ARHGAP39: variants seen among roughly 807,000 people sequenced by gnomAD.
ARHGAP39 encodes Rho GTPase activating protein 39.
ARHGAP39 carries 44 observed loss-of-function variants against 106.9 expected under a neutral mutation model. The observed-to-expected ratio is 0.41, with a 90% CI of 0.32 to 0.53. The LOEUF is 0.53. Among genes scored for constraint, ARHGAP39 ranks in the 20% least tolerant of loss-of-function variants. The probability of loss-of-function intolerance (pLI) is 0.21; values close to 1 mark genes in which losing one functional copy is unlikely to be tolerated. For missense variants in ARHGAP39, 1,496 were observed against 1,577.3 expected, an observed-to-expected ratio of 0.95 and a Z score of 0.87; for synonymous variants, 768 against 693.2, an observed-to-expected ratio of 1.11 and a Z score of -1.69.
chr8:144,623,349 T>C (rs1422296599), intron 1 of ARHGAP39, among the ~76,000 whole-genome samples: 2 of 152,128 alleles, frequency 1.3e-5, no homozygotes, highest in East Asian at 3.9e-4. Flanking sequence ...ATTACAGTAA[T>C]GTAAATGGAC....
chr8:144,600,396 G>A (rs1465825339), intron 2 of ARHGAP39, among the ~76,000 whole-genome samples: 2 of 148,578 alleles, frequency 1.3e-5, no homozygotes, highest in East Asian at 2.1e-4. Context: ...GTGTGTGGAG[G>A]CGTGTGTGTG....
At chr8:144,580,789 T>G (rs1012842887) in intron 3 of ARHGAP39, 57 bp downstream of exon 3, 39 of 106,854 alleles carry the variant, frequency 3.6e-4, no homozygotes, top group Non-Finnish European at 5.3e-4. Flanking sequence ...CTGCCTCACC[T>G]GGCCCCGCCC....
intron 1 of ARHGAP39, among the ~76,000 whole-genome samples, chr8:144,682,232 A>C (rs1822441765): frequency 8.5e-6 from 1 of 117,236 alleles, no homozygotes. Flanking sequence ...GTGACAGAGC[A>C]AGACTCTATC....
At chr8:144,538,334 G>A (rs541868587) in intron 6 of ARHGAP39, among the ~76,000 whole-genome samples, 6 of 152,316 alleles carry the variant, frequency 3.9e-5, no homozygotes, top group South Asian at 2.1e-4. Flanking sequence ...CACTGGCCTC[G>A]ATGACCTAGC....
rs151117878 is a variant in ARHGAP39, at chr8:144,570,314, T to G, written c.512+10532A>C. Among the ~76,000 whole-genome samples the G allele has an allele frequency of 2.0e-5, 3 of 152,330 alleles. No individual in the cohort carries two copies. In the East Asian group the frequency reaches 5.8e-4, roughly 29 times the overall value. ...CTAAATCCTCTTGTTGCATCAGCAA[T>G]CTCGTCAATGACTGGAACAATCCTG... On this transcript the variant is annotated intron_variant, in intron 3 of 11. Coordinates refer to ENST00000377307, the MANE Select transcript of ARHGAP39 (RefSeq NM_025251.3).
intron 2 of ARHGAP39, among the ~76,000 whole-genome samples, chr8:144,599,996 G>A (rs1213198047): frequency 6.6e-6 from 1 of 152,216 alleles, no homozygotes; most frequent in Non-Finnish European, 1.5e-5. Context: ...GACGGGACTG[G>A]GGCACCGTGT....
chr8:144,674,231 T>C (rs906747415), intron 1 of ARHGAP39, among the ~76,000 whole-genome samples: 2 of 152,116 alleles, frequency 1.3e-5, no homozygotes, highest in African/African-American at 4.8e-5. Context: ...CATGTCCAGG[T>C]AGAATGAGGT....
rs944773885 is a variant in ARHGAP39, at chr8:144,556,157, C to T, written c.513-514G>A. On this transcript the variant is annotated intron_variant, in intron 3 of 11. Coordinates refer to ENST00000377307, the MANE Select transcript of ARHGAP39 (RefSeq NM_025251.3). ...AAAATTAGCCAGGCGTGGTGGCGGG[C>T]GCCTGTAGTCCCAGCTACTTGGGAG... is the stretch of plus-strand genomic sequence containing the variant. Among the ~76,000 whole-genome samples, 6 of 151,950 alleles carry T rather than the reference C, an allele frequency of 3.9e-5. No individual in the cohort carries two copies. The East Asian group carries it at 5.8e-4, about 15-fold the overall frequency.
chr8:144,676,408 C>T (rs1337287444), intron 1 of ARHGAP39, among the ~76,000 whole-genome samples: 1 of 150,190 alleles, frequency 6.7e-6, no homozygotes, highest in African/African-American at 2.5e-5. Flanking sequence ...AAACCTTGAG[C>T]TAGACACGGG....
intron 9 of ARHGAP39, 21 bp from the exon 10 acceptor site, chr8:144,532,417 C>T: frequency 6.2e-7 from 1 of 1,603,098 alleles, no homozygotes. Flanking sequence ...CAGGGCAGGT[C>T]TCAGGCAACA....
At chr8:144,635,400 G>A (rs1410915475) in intron 1 of ARHGAP39, among the ~76,000 whole-genome samples, 1 of 152,162 alleles carries the variant, frequency 6.6e-6, no homozygotes, top group African/African-American at 2.4e-5. Context: ...GAGGTTTCTG[G>A]AGAACAGTGC....
chr8:144,574,362 C>T (rs879714398), intron 3 of ARHGAP39, among the ~76,000 whole-genome samples: 2 of 151,462 alleles, frequency 1.3e-5, no homozygotes, highest in African/African-American at 2.4e-5. Flanking sequence ...TGGCATTAGC[C>T]TATTTCTATA....
chr8:144,561,567 C>T (rs1818160691), intron 3 of ARHGAP39, among the ~76,000 whole-genome samples: 3 of 146,646 alleles, frequency 2.0e-5, no homozygotes, highest in Admixed American at 1.3e-4. Context: ...TTCGATCGGA[C>T]CCCAGTGGTT....
Position 144,580,865 on chromosome 8 carries a change from C to T in ARHGAP39, c.493G>A (p.Val165Met). ...RAGRPAAFGT[V>M]KEDSGSSSPP... Reference sequence around the variant, plus strand: ...CCTCACCTGCCGCTGTCCTCCTTCACTGTCCCAAACGCCGCGGGCCGCCCG... The same window carrying T: ...CCTCACCTGCCGCTGTCCTCCTTCATTGTCCCAAACGCCGCGGGCCGCCCG... The change falls in exon 3 of 12, where the codon GTG becomes ATG. Residue 165 changes from valine (V) to methionine (M), a missense_variant. Val to Met is a conservative substitution (Grantham distance 21). Transcript: ENST00000377307. The T allele has an allele frequency of 6.4e-7, 1 of 1,572,396 alleles. No individual in the cohort carries two copies. The highest frequency in any genetic ancestry group is 1.2e-5 in the South Asian group (1 of 85,718).
intron 4 of ARHGAP39, among the ~76,000 whole-genome samples, chr8:144,549,152 G>A (rs934052436): frequency 3.3e-5 from 5 of 152,372 alleles, no homozygotes; most frequent in African/African-American, 1.2e-4. Context: ...CATCCGCAAC[G>A]AGGGAGACCC....
intron 3 of ARHGAP39, among the ~76,000 whole-genome samples, chr8:144,559,195 G>A (rs149735103): frequency 0.013 from 1,922 of 151,724 alleles, 40 homozygotes; most frequent in African/African-American, 0.045. Context: ...GCGACAGAGC[G>A]AGACTCTGTC....
intron 1 of ARHGAP39, among the ~76,000 whole-genome samples, chr8:144,661,027 G>A (rs926742688): frequency 6.6e-6 from 1 of 152,112 alleles, no homozygotes; most frequent in Non-Finnish European, 1.5e-5. Flanking sequence ...TGTAGTCCCA[G>A]CTGCTCAGGA....
chr8:144,531,102 T>C (rs1464874986), intron 10 of ARHGAP39, among the ~76,000 whole-genome samples: 1 of 152,234 alleles, frequency 6.6e-6, no homozygotes, highest in Non-Finnish European at 1.5e-5. Flanking sequence ...AGCAGAGTTG[T>C]GCAAAACAGG....
rs750905102 is a variant in ARHGAP39 at position 144,547,446 on chromosome 8, C to T, written c.1640G>A (p.Arg547Gln). Residue 547 changes from arginine (R) to glutamine (Q), a missense_variant, in exon 5 of 12, where the codon CGG (arginine) becomes CAG (glutamine). By Grantham distance (43) the Arg-to-Gln change is conservative (BLOSUM62 1). Coordinates refer to ENST00000377307, the MANE Select transcript of ARHGAP39 (RefSeq NM_025251.3). This position sits in a 1 kb window ranked among gnomAD's most constrained non-coding sequence, Gnocchi z 5.2. ...KRAEGEAEGA[R>Q]GAAEPFLAQA... ...CGCCAGGAAGGGCTCGGCCGCGCCC[C>T]GCGCCCCTTCGGCCTCACCTTCCGC... 3 of 1,569,544 alleles carry T rather than the reference C, an allele frequency of 1.9e-6. No individual in the cohort carries two copies. The South Asian group carries it at 3.4e-5, about 18-fold the overall frequency.
Sources: allele counts gnomAD v4.1 joint callset (sites outside exome capture counted in the v4.1 genomes callset), GRCh38; gene constraint gnomAD v4.1.1; non-coding constraint Gnocchi (gnomAD v3.1); transcripts MANE v1.5; gene names NCBI Gene and HGNC (gene_info 2026-07-23, HGNC 2026-07-21).